Variants in PSMD14 observed in about 807,000 individuals in gnomAD.
PSMD14 encodes the protein ubiquitin C-terminal hydrolase PSMD14.
Under a neutral mutation model 41.2 loss-of-function variants are expected in PSMD14, and 7 were observed. The ratio of observed to expected loss-of-function variants is 0.17; its 90% CI spans 0.10 to 0.32. PSMD14 has a LOEUF of 0.32. PSMD14 is among the 10% of genes least tolerant of loss of function. The pLI, the probability that PSMD14 is intolerant of heterozygous loss-of-function variation, is 1.00. For missense variants in PSMD14, 139 were observed against 375.6 expected (o/e 0.37, Z 5.21); for synonymous variants, 114 against 122.3 (o/e 0.93, Z 0.45).
At chr2:161,317,029 G>T (rs894117665) in intron 2 of PSMD14, among the ~76,000 whole-genome samples, 2 of 152,078 alleles carry the variant, frequency 1.3e-5, no homozygotes, top group East Asian at 1.9e-4. Context: ...TTTTCTGTTG[G>T]TTCTTTAAGT....
At chr2:161,377,215 T>G (rs576923023) in intron 7 of PSMD14, among the ~76,000 whole-genome samples, 1 of 152,074 alleles carries the variant, frequency 6.6e-6, no homozygotes, top group African/African-American at 2.4e-5. Context: ...GTCCTAATCA[T>G]AAATTATACA....
intron 10 of PSMD14, among the ~76,000 whole-genome samples, chr2:161,399,104 A>G (rs1410388622): frequency 6.6e-6 from 1 of 152,128 alleles, no homozygotes; most frequent in Non-Finnish European, 1.5e-5. Flanking sequence ...ATTAACCATC[A>G]CAAGAAATGT....
At chr2:161,326,626 A>G (rs761455233) in intron 3 of PSMD14, among the ~76,000 whole-genome samples, 1 of 152,256 alleles carries the variant, frequency 6.6e-6, no homozygotes, top group Non-Finnish European at 1.5e-5. Flanking sequence ...AGCATTATTT[A>G]TAATAGCCAA....
chr2:161,375,083 G>A (rs1157916650), intron 7 of PSMD14, among the ~76,000 whole-genome samples: 3 of 151,892 alleles, frequency 2.0e-5, no homozygotes, highest in Non-Finnish European at 4.4e-5. Flanking sequence ...ACACTCAATG[G>A]ACTTTAAAAA....
At chr2:161,388,209 A>G (rs1440949233) in intron 8 of PSMD14, among the ~76,000 whole-genome samples, 1 of 152,128 alleles carries the variant, frequency 6.6e-6, no homozygotes, top group African/African-American at 2.4e-5. Flanking sequence ...GCCTCTAAGT[A>G]TAGTCTTGAG....
At chr2:161,319,060 G>T in intron 3 of PSMD14, 187 bp downstream of exon 3, 1 of 418,936 alleles carries the variant, frequency 2.4e-6, no homozygotes. Context: ...TATTGTCTTA[G>T]TTTACTTTTC....
At chr2:161,323,636 C>G (rs1369091934) in intron 3 of PSMD14, among the ~76,000 whole-genome samples, 1 of 151,186 alleles carries the variant, frequency 6.6e-6, no homozygotes, top group East Asian at 1.9e-4. Flanking sequence ...GCACTCCAGC[C>G]TGGGTGACAG....
intron 1 of PSMD14, among the ~76,000 whole-genome samples, chr2:161,314,454 C>T (rs553448495): frequency 6.6e-6 from 1 of 152,314 alleles, no homozygotes; most frequent in South Asian, 2.1e-4. Context: ...TTTGTCCATT[C>T]GCAGTGTGCC....
intron 3 of PSMD14, among the ~76,000 whole-genome samples, chr2:161,334,217 T>A (rs1014606290): frequency 6.6e-6 from 1 of 151,982 alleles, no homozygotes; most frequent in Admixed American, 6.6e-5. Flanking sequence ...ATGCCTGTAA[T>A]CCCAACTACT....
chr2:161,317,082 G>C (rs747356948), intron 2 of PSMD14, among the ~76,000 whole-genome samples: 4 of 151,882 alleles, frequency 2.6e-5, no homozygotes, highest in Non-Finnish European at 5.9e-5. Context: ...TTTCTTCTTT[G>C]GTAATATATT....
At chr2:161,347,884 T>G (rs1342447277) in intron 3 of PSMD14, among the ~76,000 whole-genome samples, 1 of 152,244 alleles carries the variant, frequency 6.6e-6, no homozygotes, top group Non-Finnish European at 1.5e-5. Flanking sequence ...ATTTTTCAGA[T>G]GCAGCTGAGG....
intron 3 of PSMD14, chr2:161,341,108 C>G: frequency 2.1e-6 from 3 of 1,406,158 alleles, no homozygotes; most frequent in Non-Finnish European, 2.8e-6. Flanking sequence ...GCTCTCCAGG[C>G]TCCTCCGGCC....
rs539040506 is a variant in PSMD14, at chr2:161,363,425, C to A, written c.49-4053C>A. On this transcript the variant is annotated intron_variant, in intron 3 of 11. Coordinates refer to ENST00000409682, the MANE Select transcript of PSMD14 (RefSeq NM_005805.6). ...TGTTATAATACTTTTACCCTTGTTT[C>A]TCCTAGTGTGATTTTAATTCTAAAT... 2.7e-3 allele frequency among the ~76,000 whole-genome samples: 405 copies of A among 152,222 alleles called. 1 individual carries two copies. Among genetic ancestry groups the A allele is most frequent in the Non-Finnish European group, 4.5e-3 (308 of 67,992 alleles).
chr2:161,313,608 C>T (rs1010541675), intron 1 of PSMD14, among the ~76,000 whole-genome samples: 3 of 152,198 alleles, frequency 2.0e-5, no homozygotes, highest in African/African-American at 7.2e-5. Flanking sequence ...CGTTGGCCTC[C>T]CAAATTGCTG....
At chr2:161,396,410 T>C (rs1683795589) in intron 10 of PSMD14, among the ~76,000 whole-genome samples, 1 of 152,082 alleles carries the variant, frequency 6.6e-6, no homozygotes. Flanking sequence ...AAAGAAAATG[T>C]GGTGTATAGA....
At chr2:161,373,200 C>T (rs376034607) in intron 7 of PSMD14, among the ~76,000 whole-genome samples, 20 of 151,326 alleles carry the variant, frequency 1.3e-4, no homozygotes, top group African/African-American at 4.8e-5. Flanking sequence ...GTATGTGTCA[C>T]GTCTTAATGT....
chr2:161,352,526 T>C (rs1683134165), intron 3 of PSMD14, among the ~76,000 whole-genome samples: 2 of 152,218 alleles, frequency 1.3e-5, no homozygotes, highest in Admixed American at 1.3e-4. Context: ...ATATATACTG[T>C]GTATTTTCTG....
intron 3 of PSMD14, among the ~76,000 whole-genome samples, chr2:161,332,144 A>G (rs1682802655): frequency 6.6e-6 from 1 of 152,026 alleles, no homozygotes; most frequent in Non-Finnish European, 1.5e-5. Flanking sequence ...TTTAGGAGGG[A>G]TTTTCTTTAT....
intron 1 of PSMD14, among the ~76,000 whole-genome samples, chr2:161,309,283 C>A (rs1689060766): frequency 6.6e-6 from 1 of 152,140 alleles, no homozygotes; most frequent in South Asian, 2.1e-4. Flanking sequence ...AGCTCTGTGT[C>A]TGTCAAAAGA....
Sources: allele counts gnomAD v4.1 joint callset (sites outside exome capture counted in the v4.1 genomes callset), GRCh38; gene constraint gnomAD v4.1.1; transcripts MANE v1.5; gene names NCBI Gene and HGNC (gene_info 2026-07-23, HGNC 2026-07-21).